D2HGDH: variants seen among roughly 807,000 people sequenced by gnomAD.
The protein encoded by D2HGDH is D-2-hydroxyglutarate dehydrogenase, also known as D-2-hydroxyglutarate dehydrogenase, mitochondrial.
A neutral mutation model predicts 46.9 loss-of-function variants in D2HGDH; 31 were observed. The observed-to-expected ratio is 0.66, with a 90% CI of 0.50 to 0.89. The LOEUF (loss-of-function observed/expected upper bound fraction) is 0.89, where lower values mean the gene tolerates loss of function less well. D2HGDH is among the 40% of genes least tolerant of loss of function. The probability of loss-of-function intolerance (pLI) is 0.00; values close to 1 mark genes in which losing one functional copy is unlikely to be tolerated. For synonymous variants in D2HGDH, 364 were observed against 332.6 expected (o/e 1.09, Z -1.03); for missense variants, 698 against 720.8 (o/e 0.97, Z 0.36).
chr2:241,762,919 A>T (rs1182445054), intron 9 of D2HGDH, among the ~76,000 whole-genome samples: 1 of 152,124 alleles, frequency 6.6e-6, no homozygotes, highest in Non-Finnish European at 1.5e-5. Context: ...TTCTGACCTT[A>T]GCCGTGGTGG....
At chr2:241,764,567 G>C (rs111737745) in intron 9 of D2HGDH, among the ~76,000 whole-genome samples, 1 of 152,256 alleles carries the variant, frequency 6.6e-6, no homozygotes, top group Non-Finnish European at 1.5e-5. Context: ...AAGCTGCCTC[G>C]ACCTTTGTCG....
rs1692421561 is a variant in D2HGDH, at chr2:241,735,217, C to G, written c.-8C>G. On this transcript the variant is annotated 5_prime_UTR_variant, in exon 2 of 10. Transcript: ENST00000321264. ...AAGGAGGAGCCCGAGGTCTCCGTCC[C>G]GGCGGCGATGCTGCCCCGTCGGCCT... The G allele has an allele frequency of 1.3e-6, 2 of 1,507,964 alleles. No individual in the cohort carries two copies. Among genetic ancestry groups the G allele is most frequent in the East Asian group, 2.6e-5 (1 of 37,750 alleles). The allele number at this position is 1,507,964 out of a possible 1,614,324, so 93.4% of individuals were successfully genotyped here.
rs1362874391 is a variant in D2HGDH, at chr2:241,760,744, C to T, written c.1306+4730C>T. On this transcript the variant is annotated intron_variant, in intron 9 of 9. Coordinates refer to ENST00000321264, the MANE Select transcript of D2HGDH (RefSeq NM_152783.5). The stretch of plus-strand genomic sequence containing the variant: ...CCACAAGAGCAGAAATCTAAGATCT[C>T]TTAAGGAAGAGAGGATTCTGACCCA... Among the ~76,000 whole-genome samples, 3 of 152,222 alleles carry T rather than the reference C, an allele frequency of 2.0e-5. No individual in the cohort carries two copies. In the East Asian group the frequency reaches 5.8e-4, roughly 29 times the overall value.
At chr2:241,734,946 G>T in intron 1 of D2HGDH, 187 bp from the exon 2 acceptor site, 1 of 401,278 alleles carries the variant, frequency 2.5e-6, no homozygotes. Flanking sequence ...CCGAGCCTGC[G>T]CGTCGCTAAG....
intron 6 of D2HGDH, chr2:241,749,414 C>G: frequency 8.1e-7 from 1 of 1,236,770 alleles, no homozygotes; most frequent in East Asian, 5.8e-5. Flanking sequence ...GCACGGGCCC[C>G]CTCCTGCTGC....
intron 8 of D2HGDH, chr2:241,755,061 T>G (rs1053066961): frequency 1.6e-4 from 206 of 1,302,436 alleles, no homozygotes; most frequent in Non-Finnish European, 1.9e-4. Flanking sequence ...ACAATGGAAG[T>G]TCGAAGCAAG....
chr2:241,755,368 C>A (rs140130962), intron 8 of D2HGDH: 1 of 1,303,862 alleles, frequency 7.7e-7, no homozygotes, highest in Non-Finnish European at 1.0e-6. Context: ...TCTGCGCCCC[C>A]TTCCCTACCC....
chr2:241,760,812 C>T (rs1444779827), intron 9 of D2HGDH, among the ~76,000 whole-genome samples: 2 of 152,282 alleles, frequency 1.3e-5, no homozygotes, highest in Non-Finnish European at 2.9e-5. Context: ...CTGGGATCTC[C>T]AGCCTGCTGA....
chr2:241,745,268 A>G (rs1250383805), intron 6 of D2HGDH, among the ~76,000 whole-genome samples: 3 of 152,230 alleles, frequency 2.0e-5, no homozygotes, highest in Admixed American at 1.3e-4. Flanking sequence ...CCCTCCTGTA[A>G]TGGGGGGCTT....
intron 9 of D2HGDH, among the ~76,000 whole-genome samples, chr2:241,764,785 A>G (rs1219719578): frequency 6.6e-6 from 1 of 152,190 alleles, no homozygotes; most frequent in Non-Finnish European, 1.5e-5. Flanking sequence ...CTGCGTTAAA[A>G]GCCGCTGTCC....
At chr2:241,760,444 C>T (rs1254080295) in intron 9 of D2HGDH, among the ~76,000 whole-genome samples, 2 of 143,752 alleles carry the variant, frequency 1.4e-5, no homozygotes, top group African/African-American at 5.2e-5. Flanking sequence ...GTGGGTGGGC[C>T]TTACGCAATC....
intron 9 of D2HGDH, among the ~76,000 whole-genome samples, chr2:241,763,871 G>A (rs1000742191): frequency 4.0e-5 from 6 of 151,488 alleles, no homozygotes; most frequent in Admixed American, 1.3e-4. Context: ...CCCCACCCCC[G>A]ACCACCCGCC....
At chr2:241,762,754 A>G (rs1453099511) in intron 9 of D2HGDH, among the ~76,000 whole-genome samples, 2 of 152,160 alleles carry the variant, frequency 1.3e-5, no homozygotes, top group Non-Finnish European at 2.9e-5. Flanking sequence ...CAGGCCAGCC[A>G]TGATGCATTT....
chr2:241,741,524 TGTGTGGG>T (rs1694455257), intron 3 of D2HGDH, among the ~76,000 whole-genome samples: 1 of 142,928 alleles, frequency 7.0e-6, no homozygotes, highest in African/African-American at 2.7e-5. Flanking sequence ...GTTTATTTCA[TGTGTGGG>T]GCTTGCTGCC....
chr2:241,765,015 G>C (rs1415434191), intron 9 of D2HGDH, among the ~76,000 whole-genome samples: 1 of 152,216 alleles, frequency 6.6e-6, no homozygotes, highest in Non-Finnish European at 1.5e-5. Flanking sequence ...TGTGGGCTAA[G>C]TGGACCAGAG....
chr2:241,738,223 C>T (rs1039389834), intron 2 of D2HGDH, among the ~76,000 whole-genome samples: 3 of 152,160 alleles, frequency 2.0e-5, no homozygotes, highest in Admixed American at 6.5e-5. Flanking sequence ...GAGTGCACAC[C>T]ATGGCCCAGG....
At position 241,763,856 on chromosome 2, in the gene D2HGDH, C is replaced by T. The variant is rs371673180; in HGVS notation, c.1307-3854C>T. Among the ~76,000 whole-genome samples the T allele has an allele frequency of 2.5e-3, 379 of 151,892 alleles. 3 individuals carry two copies. The highest frequency in any genetic ancestry group is 8.7e-3 in the African/African-American group (360 of 41,392). Reference sequence around the variant, plus strand: ...ACCAGCCTGGGCAACATGGTGAGACCGGCCCCCCACCCCCGACCACCCGCC... The same window carrying T: ...ACCAGCCTGGGCAACATGGTGAGACTGGCCCCCCACCCCCGACCACCCGCC... On this transcript the variant is annotated intron_variant, in intron 9 of 9. Coordinates refer to ENST00000321264, the MANE Select transcript of D2HGDH (RefSeq NM_152783.5).
chr2:241,752,895 C>T (rs1697502358), intron 8 of D2HGDH, among the ~76,000 whole-genome samples: 2 of 146,876 alleles, frequency 1.4e-5, no homozygotes, highest in Middle Eastern at 3.5e-3. Context: ...CAGGGCGGGC[C>T]GTCCTCCATG....
chr2:241,735,206 G>C lies in D2HGDH; in HGVS notation c.-19G>C. On this transcript the variant is annotated 5_prime_UTR_variant, in exon 2 of 10. Coordinates refer to ENST00000321264, the MANE Select transcript of D2HGDH (RefSeq NM_152783.5). ...GGCCCCCCACCAAGGAGGAGCCCGA[G>C]GTCTCCGTCCCGGCGGCGATGCTGC... The C allele has an allele frequency of 1.3e-6, 2 of 1,505,496 alleles. No homozygotes were observed. The highest frequency in any genetic ancestry group is 1.8e-6 in the Non-Finnish European group (2 of 1,135,592). 93.3% of individuals were successfully genotyped at this position (1,505,496 alleles called of 1,614,324 possible).
Sources: gnomAD v4.1 joint callset for allele counts (sites outside exome capture counted in the v4.1 genomes callset) on GRCh38, gnomAD v4.1.1 for gene constraint, MANE v1.5 for transcripts, NCBI Gene and HGNC (gene_info 2026-07-23, HGNC 2026-07-21) for gene names.